Variants in ITGAM observed in about 807,000 individuals in gnomAD.
ITGAM encodes the protein integrin subunit alpha M, also known as integrin alpha-M.
A neutral mutation model predicts 137.5 loss-of-function variants in ITGAM; 79 were observed. The observed-to-expected ratio is 0.57, with a 90% CI of 0.48 to 0.69. The LOEUF is 0.69. Among genes scored for constraint, ITGAM ranks in the 30% least tolerant of loss-of-function variants. The pLI is 0.00. For synonymous variants in ITGAM, 583 were observed against 592.3 expected (o/e 0.98, Z 0.23); for missense variants, 1,343 against 1,483.5 (o/e 0.91, Z 1.56).
chr16:31,321,416 A>G (rs2080449097), intron 15 of ITGAM, 45 bp downstream of exon 15: 8 of 1,613,692 alleles, frequency 5.0e-6, no homozygotes, highest in Non-Finnish European at 6.8e-6. Flanking sequence ...CCCTTGAAGG[A>G]ATGTTTCCTG....
intron 12 of ITGAM, among the ~76,000 whole-genome samples, chr16:31,290,313 T>C (rs2080074696): frequency 2.0e-5 from 3 of 152,082 alleles, no homozygotes; most frequent in Admixed American, 2.0e-4. Context: ...ATGGAAATGT[T>C]CTGGAGGTAG....
intron 25 of ITGAM, 66 bp downstream of exon 25, chr16:31,329,971 TG>T: frequency 6.5e-7 from 1 of 1,531,944 alleles, no homozygotes; most frequent in Non-Finnish European, 8.9e-7. Context: ...TTAATGCTAT[TG>T]GGTTTTAGAG....
In ITGAM at chr16:31,326,813, T is replaced by A. The variant is rs758799356; in HGVS notation, c.2629-43T>A. 6 of 1,362,758 alleles carry A rather than the reference T, an allele frequency of 4.4e-6. No individual in the cohort carries two copies. The South Asian group carries it at 7.0e-5, about 16-fold the overall frequency. The allele number at this position is 1,362,758 out of a possible 1,614,324, so 84.4% of individuals were successfully genotyped here. ...GATGACGGGCATTTGGGTTATTTTT[T>A]CTCTCATATTTCTGTCATTGTCTCT... On this transcript the variant is annotated intron_variant, in intron 21 of 29. Coordinates refer to ENST00000544665, the MANE Select transcript of ITGAM (RefSeq NM_000632.4).
In ITGAM at chr16:31,297,915, C is replaced by T. The variant is rs755388581; in HGVS notation, c.1668C>T (p.His556=). 1.1e-5 allele frequency: 18 copies of T among 1,613,708 alleles called. No individual in the cohort carries two copies. The highest frequency in any genetic ancestry group is 4.4e-5 in the South Asian group (4 of 91,068). The change falls in exon 14 of 30, where the codon CAC becomes CAT. Residue 556 remains histidine, a synonymous_variant. Transcript: ENST00000544665. ...EDNRGAVYLF[H]GTSGSGISPS... is the part of the protein sequence containing the mutation. ...ACCGGGGTGCTGTTTACCTGTTTCA[C>T]GGAACCTCAGGATCTGGCATCAGCC...
Position 31,275,559 on chromosome 16 carries a change from C to T in ITGAM, c.869C>T (p.Ala290Val). 6.2e-7 allele frequency: 1 copy of T among 1,613,850 alleles called. No homozygotes were observed. Among genetic ancestry groups the T allele is most frequent in the Non-Finnish European group, 8.5e-7 (1 of 1,179,814 alleles). The change falls in exon 9 of 30, where the codon GCC (alanine) becomes GTC (valine). Residue 290 changes from alanine (A) to valine (V), a missense_variant. Physicochemically the swap from Ala to Val is moderately conservative, Grantham distance 64. Coordinates refer to ENST00000544665, the MANE Select transcript of ITGAM (RefSeq NM_000632.4). ...GTTCCTTGGTAACAGGTGGGAGATG[C>T]CTTCCGCAGTGAGAAATCCCGCCAA... is the stretch of plus-strand genomic sequence containing the variant. ...VIRYVIGVGD[A>V]FRSEKSRQEL...
chr16:31,318,258 G>T (rs1379874799), intron 14 of ITGAM, among the ~76,000 whole-genome samples: 2 of 151,220 alleles, frequency 1.3e-5, no homozygotes, highest in East Asian at 1.9e-4. Context: ...GGCATCAGTT[G>T]TATGTTCTTT....
At chr16:31,314,347 G>C (rs2080368131) in intron 14 of ITGAM, among the ~76,000 whole-genome samples, 1 of 152,050 alleles carries the variant, frequency 6.6e-6, no homozygotes, top group Non-Finnish European at 1.5e-5. Flanking sequence ...TTATTCTAGG[G>C]TTTTTATGGT....
At chr16:31,286,807 C>T (rs2080034206) in intron 12 of ITGAM, among the ~76,000 whole-genome samples, 1 of 152,124 alleles carries the variant, frequency 6.6e-6, no homozygotes, top group Non-Finnish European at 1.5e-5. Flanking sequence ...TTTCTGTTTA[C>T]TCTGTTGATA....
In ITGAM at chr16:31,266,862, A is replaced by AT. The variant is rs79448805; in HGVS notation, c.427+738dup. Among the ~76,000 whole-genome samples, 556 of 145,024 alleles carry AT rather than the reference A, an allele frequency of 3.8e-3. 1 individual carries two copies. Among genetic ancestry groups the AT allele is most frequent in the African/African-American group, 7.3e-3 (290 of 39,876 alleles). ...ATTGAGATTCTGAGTGACTGTATGG[A>AT]TTTTTTTTTTTTTTTTTTTTTTTGA... On this transcript the variant is annotated intron_variant, in intron 5 of 29. Transcript: ENST00000544665.
chr16:31,315,002 G>C (rs2080375892), intron 14 of ITGAM, among the ~76,000 whole-genome samples: 1 of 151,742 alleles, frequency 6.6e-6, no homozygotes, highest in South Asian at 2.1e-4. Context: ...TAGTAGAGAT[G>C]GCATTTCACC....
chr16:31,273,595 T>A (rs866748311), intron 8 of ITGAM, 77 bp downstream of exon 8: 3 of 1,425,368 alleles, frequency 2.1e-6, no homozygotes, highest in Middle Eastern at 3.8e-4. Context: ...AATTTGCAAA[T>A]ATTATTAAAA....
At position 31,297,733 on chromosome 16, in the gene ITGAM, T is replaced by A; in HGVS notation, c.1498-12T>A. On this transcript the variant is annotated splice_polypyrimidine_tract_variant and intron_variant, in intron 13 of 29. Coordinates refer to ENST00000544665, the MANE Select transcript of ITGAM (RefSeq NM_000632.4). Reference sequence around the variant, plus strand: ...GCCTGGGTTGGGGCCTGATACTGTTTGTGTTTAGCAGAGGGCTCGGTGGCA... The same window carrying A: ...GCCTGGGTTGGGGCCTGATACTGTTAGTGTTTAGCAGAGGGCTCGGTGGCA... 1 of 1,595,530 alleles carries A rather than the reference T, an allele frequency of 6.3e-7. No individual in the cohort carries two copies. The highest frequency in any genetic ancestry group is 8.5e-7 in the Non-Finnish European group (1 of 1,172,600).
intron 28 of ITGAM, 132 bp from the exon 29 acceptor site, chr16:31,331,033 A>G: frequency 3.3e-6 from 2 of 604,740 alleles, no homozygotes; most frequent in South Asian, 4.0e-5. Flanking sequence ...GTGGGGGAGG[A>G]GGACTGAGGG....
chr16:31,300,157 G>A (rs1010795644), intron 14 of ITGAM, among the ~76,000 whole-genome samples: 2 of 152,150 alleles, frequency 1.3e-5, no homozygotes, highest in African/African-American at 4.8e-5. Flanking sequence ...TCCTGGTAGA[G>A]AGGGAAGGAA....
At chr16:31,320,406 C>A (rs1262990459) in intron 14 of ITGAM, among the ~76,000 whole-genome samples, 1 of 152,162 alleles carries the variant, frequency 6.6e-6, no homozygotes. Context: ...AAGGACATGA[C>A]AAAATCACTT....
chr16:31,307,414 G>A (rs973957072), intron 14 of ITGAM, among the ~76,000 whole-genome samples: 1 of 152,280 alleles, frequency 6.6e-6, no homozygotes, highest in East Asian at 1.9e-4. Flanking sequence ...AAGCAATTGT[G>A]AATGGAAGTG....
intron 21 of ITGAM, 118 bp downstream of exon 21, chr16:31,325,740 A>G: frequency 2.0e-5 from 24 of 1,228,352 alleles, no homozygotes; most frequent in Non-Finnish European, 2.7e-5. Flanking sequence ...ATTGAGATAT[A>G]ATTCATATAC....
intron 14 of ITGAM, among the ~76,000 whole-genome samples, chr16:31,314,322 G>C (rs1370624257): frequency 6.6e-6 from 1 of 152,046 alleles, no homozygotes; most frequent in Non-Finnish European, 1.5e-5. Flanking sequence ...TGCCCTGAAT[G>C]GTACTGCCTA....
chr16:31,329,949 C>G (rs760680905), intron 25 of ITGAM, 44 bp downstream of exon 25: 4 of 1,536,628 alleles, frequency 2.6e-6, no homozygotes, highest in Middle Eastern at 1.7e-4. Flanking sequence ...CTGCGCGTTC[C>G]TCTCACCTCT....
Sources: allele counts gnomAD v4.1 joint callset (sites outside exome capture counted in the v4.1 genomes callset), GRCh38; gene constraint gnomAD v4.1.1; transcripts MANE v1.5; gene names NCBI Gene and HGNC (gene_info 2026-07-23, HGNC 2026-07-21).